WDR7: variants seen among roughly 807,000 people sequenced by gnomAD.
WDR7 encodes WD repeat-containing protein 7.
WDR7 carries 46 observed loss-of-function variants against 169.4 expected under a neutral mutation model. The ratio of observed to expected loss-of-function variants is 0.27; its 90% confidence interval spans 0.21 to 0.35. The LOEUF (loss-of-function observed/expected upper bound fraction) is 0.35. Ranked by LOEUF, WDR7 falls within the 10% of genes least tolerant of loss-of-function variation. The pLI is 1.00. For synonymous variants in WDR7, 612 were observed against 666.8 expected (o/e 0.92, Z 1.27); for missense variants, 1,534 against 1,859.3 (o/e 0.83, Z 3.22).
intron 1 of WDR7, among the ~76,000 whole-genome samples, chr18:56,663,658 GCAC>G (rs1320073156): frequency 2.7e-4 from 1 of 3,704 alleles, no homozygotes; most frequent in African/African-American, 2.8e-4. Flanking sequence ...ATATATATAT[GCAC>G]AGCATATATA....
chr18:56,662,239 G>A (rs575555772), intron 1 of WDR7, among the ~76,000 whole-genome samples: 18 of 152,336 alleles, frequency 1.2e-4, no homozygotes, highest in Non-Finnish European at 2.2e-4. Context: ...TGACTATCCT[G>A]TGAAAACACC....
rs528851185 is a variant in WDR7, at chr18:57,020,416, T to C, written c.4165-329T>C. ...GTGATCAGTTTCTTACCTTTCTAAC[T>C]AATTGTAAAATTTTTCCCTGTGGTG... On this transcript the variant is annotated intron_variant, in intron 26 of 27. Coordinates refer to ENST00000254442, the MANE Select transcript of WDR7 (RefSeq NM_015285.3). 1.1e-4 allele frequency among the ~76,000 whole-genome samples: 17 copies of C among 152,370 alleles called. No individual in the cohort carries two copies. In the South Asian group the frequency reaches 3.5e-3, roughly 32 times the overall value.
At chr18:57,017,673 A>G (rs991486077) in intron 26 of WDR7, among the ~76,000 whole-genome samples, 1 of 152,230 alleles carries the variant, frequency 6.6e-6, no homozygotes, top group Non-Finnish European at 1.5e-5. Flanking sequence ...CTTGATCTAC[A>G]TAGAATGAGC....
intron 20 of WDR7, among the ~76,000 whole-genome samples, chr18:56,872,213 C>T (rs2045962210): frequency 6.6e-6 from 1 of 151,976 alleles, no homozygotes. Context: ...TCTTTTAATC[C>T]TTTTATTGTA....
intron 21 of WDR7, among the ~76,000 whole-genome samples, chr18:56,921,535 C>G (rs6566845): frequency 0.81 from 122,960 of 152,080 alleles, 50,241 homozygotes; most frequent in East Asian, 0.98. Context: ...AGAAGGGATG[C>G]TGGTGCTCTA....
chr18:56,756,123 C>G (rs1233669668), intron 14 of WDR7, among the ~76,000 whole-genome samples: 2 of 152,070 alleles, frequency 1.3e-5, no homozygotes, highest in Non-Finnish European at 2.9e-5. Flanking sequence ...GGAATGGAAT[C>G]TTTGAATAGG....
At chr18:57,010,168 G>A (rs1200696925) in intron 26 of WDR7, 3 of 985,310 alleles carry the variant, frequency 3.0e-6, no homozygotes, top group Non-Finnish European at 3.6e-6. Flanking sequence ...AAGACTTCTA[G>A]CATGTGTTCA....
At chr18:56,850,210 T>C (rs2045621549) in intron 20 of WDR7, among the ~76,000 whole-genome samples, 1 of 152,210 alleles carries the variant, frequency 6.6e-6, no homozygotes, top group Admixed American at 6.5e-5. Context: ...GGTACATAAT[T>C]CAGTTTTATT....
chr18:56,999,830 C>A (rs1442151105), intron 26 of WDR7, among the ~76,000 whole-genome samples: 1 of 152,080 alleles, frequency 6.6e-6, no homozygotes, highest in Non-Finnish European at 1.5e-5. Context: ...AATAGGACTG[C>A]TAGAAAACCC....
At chr18:56,745,991 A>T (rs559523878) in intron 14 of WDR7, among the ~76,000 whole-genome samples, 1 of 152,282 alleles carries the variant, frequency 6.6e-6, no homozygotes, top group Admixed American at 6.5e-5. Flanking sequence ...TGAGTCAGGG[A>T]CAATGATTTC....
intron 20 of WDR7, among the ~76,000 whole-genome samples, chr18:56,816,549 G>GT (rs1427655740): frequency 3.9e-5 from 6 of 152,172 alleles, no homozygotes; most frequent in Non-Finnish European, 7.4e-5. Context: ...AGCTGTATAG[G>GT]AAGACTTACT....
chr18:56,712,305 G>T (rs1016052566), intron 12 of WDR7, among the ~76,000 whole-genome samples: 14 of 152,208 alleles, frequency 9.2e-5, no homozygotes, highest in African/African-American at 3.4e-4. Flanking sequence ...AATGTGTAAG[G>T]TCAGACTGGG....
intron 20 of WDR7, among the ~76,000 whole-genome samples, chr18:56,846,611 C>T (rs1052486300): frequency 1.3e-5 from 2 of 152,176 alleles, no homozygotes; most frequent in African/African-American, 2.4e-5. Context: ...TGAAAACGGA[C>T]TAATACAAAT....
At chr18:56,746,986 AAG>A (rs1383216469) in intron 14 of WDR7, among the ~76,000 whole-genome samples, 13 of 152,160 alleles carry the variant, frequency 8.5e-5, no homozygotes, top group Admixed American at 6.5e-5. Flanking sequence ...ATATCAGACA[AAG>A]AGCTTCTCAG....
intron 21 of WDR7, among the ~76,000 whole-genome samples, chr18:56,920,991 TATATA>T (rs952020535): frequency 1.3e-5 from 2 of 152,158 alleles, no homozygotes; most frequent in African/African-American, 4.8e-5. Context: ...ATCTTTCTAT[TATATA>T]ATATTTTTTA....
chr18:56,900,285 T>A (rs1299794622), intron 21 of WDR7, among the ~76,000 whole-genome samples: 2 of 152,042 alleles, frequency 1.3e-5, no homozygotes, highest in African/African-American at 4.8e-5. Flanking sequence ...TTTTCTAGAA[T>A]ACTATTAAAG....
intron 2 of WDR7, among the ~76,000 whole-genome samples, 199 bp downstream of exon 2, chr18:56,672,873 T>G (rs1238983329): frequency 6.6e-6 from 1 of 152,198 alleles, no homozygotes; most frequent in African/African-American, 2.4e-5. Context: ...CCATTTTCAA[T>G]TGTAATATCT....
At chr18:56,672,363 T>A in intron 1 of WDR7, 134 bp from the exon 2 acceptor site, 316 of 420,874 alleles carry the variant, frequency 7.5e-4, no homozygotes, top group Middle Eastern at 1.7e-3. Context: ...TTGAAAATAA[T>A]AAATATTTAA....
At chr18:56,830,755 G>T (rs1431252486) in intron 20 of WDR7, among the ~76,000 whole-genome samples, 3 of 152,214 alleles carry the variant, frequency 2.0e-5, no homozygotes, top group African/African-American at 7.2e-5. Context: ...CGCCCAGGCT[G>T]GAGTGCAGTG....
Sources: allele counts gnomAD v4.1 joint callset (sites outside exome capture counted in the v4.1 genomes callset), GRCh38; gene constraint gnomAD v4.1.1; transcripts MANE v1.5; gene names NCBI Gene and HGNC (gene_info 2026-07-23, HGNC 2026-07-21).